The following LCA5L variants were observed in gnomAD, a reference collection of about 807,000 sequenced individuals.
The protein encoded by LCA5L is lebercilin-like protein.
A neutral mutation model predicts 45.4 loss-of-function variants in LCA5L; 35 were observed. The ratio of observed to expected loss-of-function variants is 0.77; its 90% CI spans 0.59 to 1.02. The LOEUF (loss-of-function observed/expected upper bound fraction) is 1.02, where lower values mean the gene tolerates loss of function less well. Ranked by LOEUF, LCA5L falls within the 50% of genes least tolerant of loss-of-function variation. The probability of loss-of-function intolerance (pLI) is 0.00; values close to 1 mark genes in which losing one functional copy is unlikely to be tolerated. For missense variants in LCA5L, 668 were observed against 761.6 expected, an observed-to-expected ratio of 0.88 and a Z score of 1.45; for synonymous variants, 233 against 264.7, an observed-to-expected ratio of 0.88 and a Z score of 1.16.
intron 7 of LCA5L, 56 bp from the exon 8 acceptor site, chr21:39,411,858 A>T: frequency 1.0e-6 from 1 of 999,698 alleles, no homozygotes; most frequent in Non-Finnish European, 1.5e-6. Flanking sequence ...GTCAACCCTG[A>T]TTTCTTTTAA....
intron 7 of LCA5L, among the ~76,000 whole-genome samples, chr21:39,418,143 C>T (rs567262916): frequency 6.6e-6 from 1 of 152,166 alleles, no homozygotes; most frequent in African/African-American, 2.4e-5. Context: ...GAAAGACCTG[C>T]CTCTATGATC....
At chr21:39,429,598 C>G (rs947904596) in intron 3 of LCA5L, among the ~76,000 whole-genome samples, 3 of 152,216 alleles carry the variant, frequency 2.0e-5, no homozygotes, top group African/African-American at 7.2e-5. Flanking sequence ...AGCACCATGA[C>G]TGCAACACCA....
At chr21:39,428,701 C>T (rs1430480402) in intron 4 of LCA5L, among the ~76,000 whole-genome samples, 198 bp from the exon 5 acceptor site, 2 of 143,860 alleles carry the variant, frequency 1.4e-5, no homozygotes, top group Admixed American at 7.3e-5. Flanking sequence ...CAGCCTTGAC[C>T]TCCTGGGCTC....
intron 6 of LCA5L, 32 bp from the exon 7 acceptor site, chr21:39,420,875 A>G: frequency 6.4e-7 from 1 of 1,557,296 alleles, no homozygotes; most frequent in Non-Finnish European, 8.8e-7. Context: ...ACTATTCTGC[A>G]ACCAAGTTAG....
At chr21:39,417,632 C>T (rs1303261859) in intron 7 of LCA5L, among the ~76,000 whole-genome samples, 4 of 152,180 alleles carry the variant, frequency 2.6e-5, no homozygotes. Flanking sequence ...AATGGACTCA[C>T]AGTTCCACAT....
In LCA5L at chr21:39,428,894, G is replaced by A. The variant is rs560668614; in HGVS notation, c.-11+237C>T. On this transcript the variant is annotated intron_variant, in intron 4 of 10. Transcript: ENST00000288350. ...CTCACAAAGTGGTGGGATTACAGGC[G>A]TGAGCCACCATGCTCAGCCATGGAC... 9.2e-5 allele frequency among the ~76,000 whole-genome samples: 14 copies of A among 151,828 alleles called. No homozygotes were observed. The South Asian group carries it at 1.5e-3, about 16-fold the overall frequency.
At chr21:39,424,046 T>A (rs181973393) in intron 5 of LCA5L, among the ~76,000 whole-genome samples, 1 of 152,216 alleles carries the variant, frequency 6.6e-6, no homozygotes, top group Admixed American at 6.5e-5. Context: ...GGAGTCTCCC[T>A]CCATTGCCCA....
intron 7 of LCA5L, 22 bp downstream of exon 7, chr21:39,420,683 AC>A: frequency 1.3e-6 from 2 of 1,593,854 alleles, no homozygotes; most frequent in Non-Finnish European, 1.7e-6. Context: ...TTTCATTCTT[AC>A]ATTTTGTTTT....
chr21:39,440,846 T>C (rs1477085270), intron 2 of LCA5L, among the ~76,000 whole-genome samples: 1 of 152,188 alleles, frequency 6.6e-6, no homozygotes, highest in East Asian at 1.9e-4. Flanking sequence ...TCTAAACTCT[T>C]TGACAAAAAT....
chr21:39,424,711 C>T (rs565699981), intron 5 of LCA5L, among the ~76,000 whole-genome samples: 1 of 152,200 alleles, frequency 6.6e-6, no homozygotes, highest in African/African-American at 2.4e-5. Context: ...ATACAGATAC[C>T]GATTTTCCAT....
intron 7 of LCA5L, among the ~76,000 whole-genome samples, chr21:39,417,063 C>T (rs757060958): frequency 1.1e-4 from 17 of 152,162 alleles, no homozygotes; most frequent in South Asian, 4.1e-4. Flanking sequence ...GACAGAGTCT[C>T]GCTCTGTCAC....
At chr21:39,416,849 C>G (rs1286876732) in intron 7 of LCA5L, among the ~76,000 whole-genome samples, 1 of 152,130 alleles carries the variant, frequency 6.6e-6, no homozygotes, top group African/African-American at 2.4e-5. Context: ...GTGTATCTCA[C>G]TGGCCATATG....
intron 1 of LCA5L, among the ~76,000 whole-genome samples, chr21:39,445,173 G>A (rs956224803): frequency 6.6e-6 from 1 of 151,504 alleles, no homozygotes; most frequent in Non-Finnish European, 1.5e-5. Context: ...AGGGGAGGGT[G>A]TGGATAAAGA....
At position 39,405,873 on chromosome 21, in the gene LCA5L, T is replaced by A; in HGVS notation, c.*9A>T. 6.5e-7 allele frequency: 1 copy of A among 1,540,622 alleles called. No individual in the cohort carries two copies. Among genetic ancestry groups the A allele is most frequent in the South Asian group, 1.2e-5 (1 of 84,918 alleles). On this transcript the variant is annotated 3_prime_UTR_variant, in exon 11 of 11. Transcript: ENST00000288350. ...ATCAAACCAGAATGCATTAGGATAT[T>A]GATTATATTTAAATAATTATTTTTC...
At chr21:39,439,583 C>A (rs2076612623) in intron 2 of LCA5L, 1 of 152,336 alleles carries the variant, frequency 6.6e-6, no homozygotes, top group Middle Eastern at 3.4e-3. Context: ...GTTCCAGAAA[C>A]CAGCTTGCTT....
rs139589781 is a variant in LCA5L, at chr21:39,422,736, C to T, written c.837+240G>A. On this transcript the variant is annotated intron_variant, in intron 6 of 10. Coordinates refer to ENST00000288350, the MANE Select transcript of LCA5L (RefSeq NM_152505.4). ...TCATTTCCAGATAAACCAGTCCAGC[C>T]ACAGAGTGAACTCTTGTGCACTGCA... 545 of 543,878 alleles carry T rather than the reference C, an allele frequency of 1.0e-3. 2 individuals carry two copies. The highest frequency in any genetic ancestry group is 1.4e-3 in the Middle Eastern group (3 of 2,126). 33.7% of individuals were successfully genotyped at this position (543,878 alleles called of 1,614,324 possible).
In LCA5L at chr21:39,409,036, C is replaced by T. The variant is rs951416595; in HGVS notation, c.1282+943G>A. On this transcript the variant is annotated intron_variant, in intron 10 of 10. Coordinates refer to ENST00000288350, the MANE Select transcript of LCA5L (RefSeq NM_152505.4). This position sits in a 1 kb window ranked among gnomAD's most constrained non-coding sequence, Gnocchi z 4.2. ...AATTTCATATGTTGAAGCCGTAACC[C>T]CCAGTATGGCTATATTTGGAGACTG... Among the ~76,000 whole-genome samples, 4 of 152,084 alleles carry T rather than the reference C, an allele frequency of 2.6e-5. No individual in the cohort carries two copies. Among genetic ancestry groups the T allele is most frequent in the Non-Finnish European group, 5.9e-5 (4 of 68,006 alleles).
chr21:39,427,389 G>A (rs2074911117), intron 5 of LCA5L, among the ~76,000 whole-genome samples: 2 of 152,164 alleles, frequency 1.3e-5, no homozygotes, highest in South Asian at 2.1e-4. Flanking sequence ...AGAGCCGGGC[G>A]CGGTGGCTCA....
At chr21:39,408,744 G>A (rs936883324) in intron 10 of LCA5L, 2 of 152,188 alleles carry the variant, frequency 1.3e-5, no homozygotes, top group Non-Finnish European at 2.9e-5. Context: ...AGCTCTCTTG[G>A]GCCTGCCCAG....
Sources: allele counts gnomAD v4.1 joint callset (sites outside exome capture counted in the v4.1 genomes callset), GRCh38; gene constraint gnomAD v4.1.1; non-coding constraint Gnocchi (gnomAD v3.1); transcripts MANE v1.5; gene names NCBI Gene and HGNC (gene_info 2026-07-23, HGNC 2026-07-21).